The following AKAP13 variants were observed in gnomAD, a reference collection of about 807,000 sequenced individuals.
AKAP13 encodes A-kinase anchoring protein 13.
Under a neutral mutation model 264.5 loss-of-function variants are expected in AKAP13, and 80 were observed. The ratio of observed to expected loss-of-function variants is 0.30; its 90% CI spans 0.25 to 0.36. AKAP13 has a LOEUF of 0.36. AKAP13 is among the 10% of genes least tolerant of loss of function. The probability of loss-of-function intolerance (pLI) is 1.00; values close to 1 mark genes in which losing one functional copy is unlikely to be tolerated. For missense variants in AKAP13, 3,712 were observed against 3,435.2 expected (o/e 1.08, Z -2.01); for synonymous variants, 1,380 against 1,250.2 (o/e 1.10, Z -2.19).
intron 16 of AKAP13, among the ~76,000 whole-genome samples, chr15:85,686,206 T>TGTGTGG (rs1038393999): frequency 6.6e-5 from 10 of 151,578 alleles, no homozygotes; most frequent in Admixed American, 5.3e-4. Flanking sequence ...TGTGTGTGTG[T>TGTGTGG]GGTATATACA....
At chr15:85,696,151 T>G (rs963113189) in intron 17 of AKAP13, among the ~76,000 whole-genome samples, 5 of 152,246 alleles carry the variant, frequency 3.3e-5, no homozygotes, top group Admixed American at 1.3e-4. Flanking sequence ...TGGTTAGTTA[T>G]TAGTATGATT....
At chr15:85,712,133 C>G (rs1056558608) in intron 19 of AKAP13, among the ~76,000 whole-genome samples, 1 of 152,068 alleles carries the variant, frequency 6.6e-6, no homozygotes, top group Non-Finnish European at 1.5e-5. Context: ...CGCACCCAGC[C>G]TGGTCTGTGT....
At chr15:85,743,399 G>A (rs1260284438) in intron 35 of AKAP13, 93 bp from the exon 36 acceptor site, 4 of 1,373,680 alleles carry the variant, frequency 2.9e-6, no homozygotes, top group African/African-American at 1.4e-5. Context: ...TACCCAGCCA[G>A]CACACCCAGT....
intron 1 of AKAP13, among the ~76,000 whole-genome samples, chr15:85,417,647 G>A (rs2072304259): frequency 6.6e-6 from 1 of 152,152 alleles, no homozygotes; most frequent in Non-Finnish European, 1.5e-5. Context: ...TCTTTCTTTT[G>A]CCGATTAAAC....
chr15:85,477,825 T>C (rs1038653225), intron 1 of AKAP13, among the ~76,000 whole-genome samples: 3 of 152,142 alleles, frequency 2.0e-5, no homozygotes, highest in Admixed American at 6.5e-5. Context: ...CCTCTGTTTC[T>C]AAGGCTGGGC....
intron 9 of AKAP13, among the ~76,000 whole-genome samples, chr15:85,641,123 CAA>C (rs1191357365): frequency 6.6e-6 from 1 of 152,030 alleles, no homozygotes; most frequent in Non-Finnish European, 1.5e-5. Flanking sequence ...CACACTTCCT[CAA>C]GAGAGCAATA....
chr15:85,714,739 C>A (rs564367731), intron 19 of AKAP13, among the ~76,000 whole-genome samples: 2 of 152,126 alleles, frequency 1.3e-5, no homozygotes, highest in Non-Finnish European at 2.9e-5. Context: ...GAGGCCGAGG[C>A]GGGCAGATCA....
At chr15:85,422,533 C>G (rs1483560189) in intron 1 of AKAP13, among the ~76,000 whole-genome samples, 1 of 152,150 alleles carries the variant, frequency 6.6e-6, no homozygotes, top group East Asian at 1.9e-4. Context: ...ATAATTTGAA[C>G]AGAGGTTTTT....
chr15:85,693,058 T>G, intron 16 of AKAP13: 1 of 677,550 alleles, frequency 1.5e-6, no homozygotes, highest in Non-Finnish European at 2.2e-6. Context: ...CCAGAACTGT[T>G]CCGCCTGCCC....
At chr15:85,466,315 C>G (rs1226418065) in intron 1 of AKAP13, among the ~76,000 whole-genome samples, 2 of 152,134 alleles carry the variant, frequency 1.3e-5, no homozygotes, top group Non-Finnish European at 2.9e-5. Flanking sequence ...CCTGTTCACT[C>G]TGATGGTAGT....
chr15:85,587,474 C>T (rs1467446269), intron 8 of AKAP13, among the ~76,000 whole-genome samples: 1 of 152,104 alleles, frequency 6.6e-6, no homozygotes, highest in Non-Finnish European at 1.5e-5. Flanking sequence ...TTTTTGGCTA[C>T]TGTGAATAAT....
intron 10 of AKAP13, among the ~76,000 whole-genome samples, chr15:85,649,754 T>C (rs1404843523): frequency 1.3e-5 from 2 of 152,206 alleles, no homozygotes; most frequent in African/African-American, 4.8e-5. Flanking sequence ...CTTTAATCAA[T>C]AGCATAAAAT....
intron 5 of AKAP13, among the ~76,000 whole-genome samples, chr15:85,572,858 C>T (rs2078870205): frequency 1.3e-5 from 2 of 152,134 alleles, no homozygotes; most frequent in African/African-American, 4.8e-5. Context: ...TGTGATGTTC[C>T]CCTTCCTGTG....
intron 10 of AKAP13, among the ~76,000 whole-genome samples, chr15:85,650,791 C>CAAAACAAAA (rs1191739643): frequency 4.6e-5 from 3 of 65,150 alleles, no homozygotes; most frequent in Non-Finnish European, 9.2e-5. Flanking sequence ...AAAAAAAAAA[C>CAAAACAAAA]AACAAAAACT....
intron 14 of AKAP13, among the ~76,000 whole-genome samples, chr15:85,680,508 G>T (rs1057427121): frequency 1.3e-5 from 2 of 152,274 alleles, no homozygotes; most frequent in African/African-American, 4.8e-5. Flanking sequence ...AAATACGGAA[G>T]GCAATCTTTT....
In AKAP13 at chr15:85,580,527, C is replaced by T. The variant is rs201694916; in HGVS notation, c.2459C>T (p.Thr820Ile). The T allele has an allele frequency of 6.2e-5, 100 of 1,614,096 alleles. No individual in the cohort carries two copies. The highest frequency in any genetic ancestry group is 1.0e-4 in the Admixed American group (6 of 60,002). Residue 820 changes from threonine (T) to isoleucine (I), a missense_variant, in exon 7 of 37, where the codon ACA (threonine) becomes ATA (isoleucine). Around this residue, in one of 3 missense-constraint regions of AKAP13, gnomAD observed 2,759 missense variants for 2,411.7 expected, o/e 1.14. Transcript: ENST00000394518. ...GGAACAGCAACTCCTGAACTACATA[C>T]AGCTACAGATTATAGAGATGGCCCA... ...EKGTATPELHTATDYRDGPDG... is the reference protein window; with the variant it reads ...EKGTATPELHIATDYRDGPDG...
intron 1 of AKAP13, among the ~76,000 whole-genome samples, chr15:85,429,677 G>T (rs1162421508): frequency 6.6e-6 from 1 of 152,160 alleles, no homozygotes; most frequent in Non-Finnish European, 1.5e-5. Context: ...TCAGAGTGGG[G>T]AAGAGAGCAC....
At chr15:85,469,594 C>T (rs2074885602) in intron 1 of AKAP13, among the ~76,000 whole-genome samples, 1 of 152,154 alleles carries the variant, frequency 6.6e-6, no homozygotes, top group South Asian at 2.1e-4. Context: ...ATTATTTGAC[C>T]TGTTTTCCTC....
At chr15:85,629,199 G>T (rs573745019) in intron 8 of AKAP13, among the ~76,000 whole-genome samples, 37 of 152,188 alleles carry the variant, frequency 2.4e-4, no homozygotes, top group African/African-American at 8.2e-4. Context: ...TTCTGAAAAG[G>T]AAGGAAGTGA....
Sources: gnomAD v4.1 joint callset for allele counts (sites outside exome capture counted in the v4.1 genomes callset) on GRCh38, gnomAD v4.1.1 for gene constraint, gnomAD v4.1.1 regional missense constraint, MANE v1.5 for transcripts, NCBI Gene and HGNC (gene_info 2026-07-23, HGNC 2026-07-21) for gene names.